The following PTPRA variants were observed in gnomAD, a reference collection of about 807,000 sequenced individuals.
The protein encoded by PTPRA is protein tyrosine phosphatase receptor type A.
In PTPRA, 25 loss-of-function variants were observed where a neutral mutation model predicts 104.8. The ratio of observed to expected loss-of-function variants is 0.24; its 90% CI spans 0.17 to 0.33. The LOEUF is 0.33. Ranked by LOEUF, PTPRA falls within the 10% of genes least tolerant of loss-of-function variation. The pLI, the probability that PTPRA is intolerant of heterozygous loss-of-function variation, is 1.00. For missense variants in PTPRA, 765 were observed against 1,015.3 expected (o/e 0.75, Z 3.35); for synonymous variants, 323 against 368.9 (o/e 0.88, Z 1.43).
At chr20:2,949,415 G>A (rs115610315) in intron 3 of PTPRA, among the ~76,000 whole-genome samples, 2,894 of 151,334 alleles carry the variant, frequency 0.019, 101 homozygotes, top group African/African-American at 0.065. Context: ...TTTTCTGCAA[G>A]TATTAGTCTC....
chr20:2,941,230 C>A (rs2060908025), intron 2 of PTPRA, among the ~76,000 whole-genome samples: 1 of 152,074 alleles, frequency 6.6e-6, no homozygotes, highest in Non-Finnish European at 1.5e-5. Context: ...GGGGTTTCAC[C>A]ATGTTGGCCA....
In PTPRA at chr20:3,038,494, A is replaced by C. The variant is rs1160270321; in HGVS notation, c.*361A>C. ...AAGAAAAAAAGCACAAAGTTCTCAG[A>C]GCTCTCGAGGAAAGTGGTTGTCCCC... On this transcript the variant is annotated 3_prime_UTR_variant, in exon 24 of 24. Coordinates refer to ENST00000399903, the MANE Select transcript of PTPRA (RefSeq NM_001385305.1). 2 of 270,778 alleles carry C rather than the reference A, an allele frequency of 7.4e-6. No individual in the cohort carries two copies. Among genetic ancestry groups the C allele is most frequent in the Non-Finnish European group, 7.2e-6 (1 of 139,620 alleles). 16.8% of individuals were successfully genotyped at this position (270,778 alleles called of 1,614,324 possible). A position where few individuals can be genotyped will look rare whatever the true frequency, so the allele number is the denominator to read the frequency against.
intron 2 of PTPRA, among the ~76,000 whole-genome samples, chr20:2,935,318 G>T (rs6138954): frequency 0.13 from 19,775 of 152,142 alleles, 1,507 homozygotes; most frequent in East Asian, 0.28. Flanking sequence ...ACAAATGACA[G>T]AATTTATTCT....
At chr20:2,885,755 C>T (rs1374181343) in intron 1 of PTPRA, among the ~76,000 whole-genome samples, 4 of 152,188 alleles carry the variant, frequency 2.6e-5, no homozygotes, top group East Asian at 1.9e-4. Context: ...AAAAAGTACA[C>T]GAACTGCTAC....
At chr20:2,938,475 C>T (rs893337110) in intron 2 of PTPRA, among the ~76,000 whole-genome samples, 3 of 152,092 alleles carry the variant, frequency 2.0e-5, no homozygotes, top group African/African-American at 4.8e-5. Flanking sequence ...TGCGAGCCAC[C>T]GTACCCAGTA....
At chr20:3,011,414 TTAGG>T (rs906013183) in intron 11 of PTPRA, among the ~76,000 whole-genome samples, 50 of 152,318 alleles carry the variant, frequency 3.3e-4, no homozygotes, top group African/African-American at 1.2e-3. Flanking sequence ...ACACAGGTAG[TTAGG>T]TTGTTTCCTG....
intron 9 of PTPRA, among the ~76,000 whole-genome samples, chr20:3,002,025 A>G (rs924211173): frequency 2.6e-5 from 4 of 152,048 alleles, no homozygotes; most frequent in Admixed American, 6.5e-5. Context: ...CTGTAGTCCC[A>G]GTTACTCAGG....
At chr20:3,008,565 G>A (rs2063982053) in intron 11 of PTPRA, among the ~76,000 whole-genome samples, 1 of 151,916 alleles carries the variant, frequency 6.6e-6, no homozygotes. Context: ...ACGACAGCGT[G>A]AATATACTTA....
chr20:2,963,694 C>T (rs17550479), intron 3 of PTPRA, among the ~76,000 whole-genome samples: 83 of 151,996 alleles, frequency 5.5e-4, no homozygotes, highest in African/African-American at 1.3e-3. Flanking sequence ...ACTTTTTGAG[C>T]GCAGACATGA....
chr20:2,923,484 GC>G (rs1292492810), intron 2 of PTPRA, among the ~76,000 whole-genome samples, 199 bp downstream of exon 2: 1 of 151,274 alleles, frequency 6.6e-6, no homozygotes, highest in Non-Finnish European at 1.5e-5. Flanking sequence ...CACTTGAAGA[GC>G]TTTTTTTTTT....
the PTPRA span, chr20:2,864,187 G>A: frequency 6.2e-7 from 1 of 1,614,238 alleles, no homozygotes; most frequent in South Asian, 1.1e-5. The surrounding 1 kb of genome is among the most constrained non-coding windows in gnomAD (Gnocchi z 5.2). Flanking sequence ...AGCTGCTGGA[G>A]TATGAGCCAC....
chr20:2,949,519 C>T (rs961126233), intron 3 of PTPRA, among the ~76,000 whole-genome samples: 3 of 151,876 alleles, frequency 2.0e-5, no homozygotes, highest in Non-Finnish European at 2.9e-5. Context: ...TCTTGAACTC[C>T]TGGGCTCAAG....
intron 6 of PTPRA, among the ~76,000 whole-genome samples, chr20:2,976,428 C>T (rs1326681509): frequency 6.6e-6 from 1 of 152,120 alleles, no homozygotes; most frequent in African/African-American, 2.4e-5. Flanking sequence ...AATATTCAGC[C>T]TTTTCTTGCC....
intron 1 of PTPRA, among the ~76,000 whole-genome samples, chr20:2,909,832 AAT>A (rs1491549208): frequency 5.7e-5 from 7 of 122,790 alleles, no homozygotes; most frequent in South Asian, 2.3e-4. Context: ...TATATTAGAT[AAT>A]ATATATAATA....
chr20:2,888,045 A>C (rs2090476035), intron 1 of PTPRA, among the ~76,000 whole-genome samples: 1 of 152,204 alleles, frequency 6.6e-6, no homozygotes, highest in South Asian at 2.1e-4. Context: ...GTTAGCTAGA[A>C]TGGTCCCTCA....
In PTPRA at chr20:2,954,505, G is replaced by A. The variant is rs1014208161; in HGVS notation, c.-7+6481G>A. On this transcript the variant is annotated intron_variant, in intron 3 of 23. Transcript: ENST00000399903. ...CCCAAAGTGCTGGGATTACAGGCATGAGCCACCACACCTGGCCCCTTTGCC... is the reference window on the plus strand; with the variant it reads ...CCCAAAGTGCTGGGATTACAGGCATAAGCCACCACACCTGGCCCCTTTGCC... Among the ~76,000 whole-genome samples, 51 of 152,134 alleles carry A rather than the reference G, an allele frequency of 3.4e-4. 1 individual carries two copies. The highest frequency in any genetic ancestry group is 2.2e-4 in the Non-Finnish European group (15 of 68,022).
chr20:2,986,704 G>A, intron 6 of PTPRA, 61 bp from the exon 7 acceptor site: 4 of 1,433,070 alleles, frequency 2.8e-6, no homozygotes, highest in Non-Finnish European at 3.9e-6. Flanking sequence ...GCCCTGAATG[G>A]CTGACTTAAG....
chr20:2,987,113 T>C (rs2062942503), intron 7 of PTPRA, among the ~76,000 whole-genome samples: 1 of 152,092 alleles, frequency 6.6e-6, no homozygotes, highest in South Asian at 2.1e-4. Context: ...AAGCCCAGAA[T>C]GGTAGTTTGG....
At chr20:2,866,545 C>T in the PTPRA span, 31 of 1,614,040 alleles carry the variant, frequency 1.9e-5, no homozygotes, top group African/African-American at 1.1e-4. Context: ...CAAGATTCAA[C>T]GGGCCAGGGC....
Sources: allele counts gnomAD v4.1 joint callset (sites outside exome capture counted in the v4.1 genomes callset), GRCh38; gene constraint gnomAD v4.1.1; non-coding constraint Gnocchi (gnomAD v3.1); transcripts MANE v1.5; gene names NCBI Gene and HGNC (gene_info 2026-07-23, HGNC 2026-07-21).